Variants in TMC1 observed in about 807,000 individuals in gnomAD.
TMC1 encodes transmembrane channel like 1, also known as transmembrane channel-like protein 1.
TMC1 carries 84 observed loss-of-function variants against 105.8 expected under a neutral mutation model. That is an observed-to-expected ratio of 0.79 (90% confidence interval 0.67 to 0.95). TMC1 has a LOEUF of 0.95. TMC1 is among the 40% of genes least tolerant of loss of function. The probability of loss-of-function intolerance (pLI) is 0.00; values close to 1 mark genes in which losing one functional copy is unlikely to be tolerated. For missense variants in TMC1, 817 were observed against 914.1 expected, an observed-to-expected ratio of 0.89 and a Z score of 1.37; for synonymous variants, 315 against 311.5, an observed-to-expected ratio of 1.01 and a Z score of -0.12.
At chr9:72,783,796 T>A (rs1828129206) in intron 13 of TMC1, among the ~76,000 whole-genome samples, 2 of 152,100 alleles carry the variant, frequency 1.3e-5, no homozygotes, top group Non-Finnish European at 2.9e-5. Context: ...GGGAAAGGAC[T>A]CCCTGGGTCA....
intron 8 of TMC1, among the ~76,000 whole-genome samples, chr9:72,706,276 T>C (rs955037808): frequency 6.6e-6 from 1 of 152,206 alleles, no homozygotes; most frequent in African/African-American, 2.4e-5. Flanking sequence ...CTTTAGTTTT[T>C]CTCTCATCTG....
Position 72,654,479 on chromosome 9 carries a change from A to G in TMC1, c.16+5815A>G, listed in dbSNP as rs1825856288. ...ATTTTATTCCATTTTCACTATTGGT[A>G]TATTATCTATAAATTCTTTGTTGTT... On this transcript the variant is annotated intron_variant, in intron 5 of 23. Transcript: ENST00000297784. Among the ~76,000 whole-genome samples the G allele has an allele frequency of 2.6e-5, 4 of 151,748 alleles. No homozygotes were observed. In the South Asian group the frequency reaches 8.3e-4, roughly 31 times the overall value.
At position 72,730,633 on chromosome 9, in the gene TMC1, T is replaced by G. The variant is rs1596656; in HGVS notation, c.363-9486T>G. Among the ~76,000 whole-genome samples, 5 of 152,334 alleles carry G rather than the reference T, an allele frequency of 3.3e-5. 1 individual carries two copies. Among genetic ancestry groups the G allele is most frequent in the Admixed American group, 6.5e-5 (1 of 15,306 alleles). ...TGACAATTTTTCCATATACTGGGGCTGGGTGAGGAGATGGTTTCAGGATGA... is the reference window on the plus strand; with the variant it reads ...TGACAATTTTTCCATATACTGGGGCGGGGTGAGGAGATGGTTTCAGGATGA... On this transcript the variant is annotated intron_variant, in intron 8 of 23. Coordinates refer to ENST00000297784, the MANE Select transcript of TMC1 (RefSeq NM_138691.3).
chr9:72,791,507 C>T (rs901604818), intron 15 of TMC1, among the ~76,000 whole-genome samples: 4 of 152,188 alleles, frequency 2.6e-5, no homozygotes, highest in African/African-American at 7.2e-5. Flanking sequence ...TTTGAACCTC[C>T]TCCTCAAGCA....
chr9:72,563,459 A>G (rs1056152257), intron 1 of TMC1, among the ~76,000 whole-genome samples: 3 of 152,210 alleles, frequency 2.0e-5, no homozygotes, highest in Non-Finnish European at 2.9e-5. Flanking sequence ...CACAGTGACC[A>G]TGGATGCCAG....
At chr9:72,761,547 C>G (rs1827755242) in intron 12 of TMC1, among the ~76,000 whole-genome samples, 1 of 152,128 alleles carries the variant, frequency 6.6e-6, no homozygotes, top group Non-Finnish European at 1.5e-5. Flanking sequence ...GGAGAGGAGA[C>G]TTAACACCTA....
intron 2 of TMC1, among the ~76,000 whole-genome samples, chr9:72,593,681 C>T (rs548848008): frequency 2.0e-5 from 3 of 151,450 alleles, no homozygotes; most frequent in Admixed American, 6.6e-5. Flanking sequence ...CATGAGCCCC[C>T]GTGCCCAGCC....
intron 1 of TMC1, among the ~76,000 whole-genome samples, chr9:72,534,577 T>A (rs1015618117): frequency 2.6e-5 from 4 of 152,208 alleles, no homozygotes; most frequent in African/African-American, 9.7e-5. Flanking sequence ...GGTATCTGAA[T>A]CTATATATTA....
intron 17 of TMC1, among the ~76,000 whole-genome samples, chr9:72,801,441 G>A (rs1324546419): frequency 6.6e-6 from 1 of 152,194 alleles, no homozygotes; most frequent in Non-Finnish European, 1.5e-5. Context: ...GTCAATGACA[G>A]GAGCCCCAGT....
chr9:72,657,220 T>C (rs562828835), intron 5 of TMC1, among the ~76,000 whole-genome samples: 1 of 152,340 alleles, frequency 6.6e-6, no homozygotes, highest in African/African-American at 2.4e-5. Context: ...AAGCCACTGT[T>C]TGGGTTTCCC....
At chr9:72,572,825 C>T (rs116894467) in intron 1 of TMC1, among the ~76,000 whole-genome samples, 5,956 of 152,050 alleles carry the variant, frequency 0.039, 163 homozygotes, top group Middle Eastern at 0.088. Flanking sequence ...AACCCTGTCT[C>T]TACTAAAAGT....
chr9:72,821,111 A>T (rs759531411), intron 20 of TMC1, 30 bp downstream of exon 20: 1 of 1,614,000 alleles, frequency 6.2e-7, no homozygotes, highest in Non-Finnish European at 8.5e-7. Context: ...TGACTCAGGC[A>T]TCGTGTTCTT....
At chr9:72,803,667 C>A (rs1230635444) in intron 17 of TMC1, among the ~76,000 whole-genome samples, 1 of 152,166 alleles carries the variant, frequency 6.6e-6, no homozygotes, top group African/African-American at 2.4e-5. Flanking sequence ...AAATGCAAAT[C>A]AAAACCACAA....
At chr9:72,754,763 G>A (rs753198888) in intron 11 of TMC1, 23 bp from the exon 12 acceptor site, 1 of 1,571,570 alleles carries the variant, frequency 6.4e-7, no homozygotes, top group Non-Finnish European at 8.8e-7. Context: ...ATTGTTCACT[G>A]CTTTCTTTGC....
chr9:72,584,784 C>CTTTTCT (rs71493662), intron 2 of TMC1, among the ~76,000 whole-genome samples: 2 of 113,010 alleles, frequency 1.8e-5, no homozygotes, highest in Non-Finnish European at 3.5e-5. Context: ...CTTTTCTTTT[C>CTTTTCT]TTTTTTTTTT....
chr9:72,790,969 A>T (rs993144091), intron 15 of TMC1, among the ~76,000 whole-genome samples: 2 of 152,172 alleles, frequency 1.3e-5, no homozygotes, highest in Non-Finnish European at 2.9e-5. Flanking sequence ...CACAGGAGAA[A>T]ATAGGAAATG....
intron 12 of TMC1, among the ~76,000 whole-genome samples, chr9:72,757,912 G>A (rs1827697812): frequency 6.6e-6 from 1 of 152,176 alleles, no homozygotes; most frequent in African/African-American, 2.4e-5. Flanking sequence ...GGTAATGTAT[G>A]TGGATAGTGG....
chr9:72,831,366 A>G (rs2118334097), intron 23 of TMC1, among the ~76,000 whole-genome samples: 1 of 152,252 alleles, frequency 6.6e-6, no homozygotes, highest in African/African-American at 2.4e-5. Context: ...GAGAAAGAGT[A>G]ATTTATTCGA....
At chr9:72,607,548 GGAGCTTGCAGT>G in intron 2 of TMC1, among the ~76,000 whole-genome samples, 1 of 151,546 alleles carries the variant, frequency 6.6e-6, no homozygotes, top group South Asian at 2.1e-4. Context: ...CCCAGGAGGT[GGAGCTTGCAGT>G]GAGCCGAGAT....
Sources: allele counts gnomAD v4.1 joint callset (sites outside exome capture counted in the v4.1 genomes callset), GRCh38; gene constraint gnomAD v4.1.1; transcripts MANE v1.5; gene names NCBI Gene and HGNC (gene_info 2026-07-23, HGNC 2026-07-21).